The following TPR variants were observed in gnomAD, a reference collection of about 807,000 sequenced individuals.
TPR encodes nucleoprotein TPR.
A neutral mutation model predicts 316.1 loss-of-function variants in TPR; 51 were observed. That is an observed-to-expected ratio of 0.16 (90% CI 0.13 to 0.20). The LOEUF (loss-of-function observed/expected upper bound fraction) is 0.20. Ranked by LOEUF, TPR falls within the 10% of genes least tolerant of loss-of-function variation. The pLI is 1.00. For missense variants in TPR, 2,272 were observed against 2,754.8 expected, an observed-to-expected ratio of 0.82 and a Z score of 3.92; for synonymous variants, 981 against 914.7, an observed-to-expected ratio of 1.07 and a Z score of -1.31.
intron 45 of TPR, among the ~76,000 whole-genome samples, chr1:186,320,861 C>T (rs745652322): frequency 1.6e-4 from 24 of 152,156 alleles, no homozygotes; most frequent in Non-Finnish European, 3.1e-4. Flanking sequence ...TAGCTAGCTC[C>T]CAAGGTTTAG....
chr1:186,370,140 G>A (rs1197596291), intron 3 of TPR, among the ~76,000 whole-genome samples: 1 of 152,032 alleles, frequency 6.6e-6, no homozygotes, highest in East Asian at 1.9e-4. Flanking sequence ...ATGTGGCTAT[G>A]CAAGTACTTA....
At chr1:186,358,679 T>G in intron 12 of TPR, 29 bp from the exon 13 acceptor site, 1 of 1,587,724 alleles carries the variant, frequency 6.3e-7, no homozygotes, top group Non-Finnish European at 8.6e-7. Context: ...AGTGAAAATT[T>G]TGTACTTCCT....
chr1:186,373,622 A>G (rs1487816102), intron 1 of TPR, among the ~76,000 whole-genome samples, 159 bp from the exon 2 acceptor site: 2 of 152,226 alleles, frequency 1.3e-5, no homozygotes, highest in African/African-American at 2.4e-5. Context: ...AAATAGACTG[A>G]GCACTGAAAA....
intron 33 of TPR, 78 bp from the exon 34 acceptor site, chr1:186,335,621 T>C (rs1571612733): frequency 2.6e-6 from 3 of 1,172,252 alleles, no homozygotes; most frequent in South Asian, 1.6e-5. Flanking sequence ...AATTGGCACA[T>C]GGTCACATCA....
intron 35 of TPR, 147 bp downstream of exon 35, chr1:186,334,921 A>G: frequency 1.3e-6 from 1 of 760,902 alleles, no homozygotes; most frequent in Admixed American, 3.1e-5. Flanking sequence ...TGGCAAATAC[A>G]TGATACAGTT....
At chr1:186,354,100 T>C (rs1314137166) in intron 17 of TPR, among the ~76,000 whole-genome samples, 1 of 152,202 alleles carries the variant, frequency 6.6e-6, no homozygotes, top group Non-Finnish European at 1.5e-5. Context: ...AGCATGCTTA[T>C]GTAAAATTAA....
At chr1:186,355,287 T>C in intron 17 of TPR, 123 bp downstream of exon 17, 1 of 1,008,858 alleles carries the variant, frequency 9.9e-7, no homozygotes, top group Non-Finnish European at 1.5e-6. Flanking sequence ...CCAGAGGTTC[T>C]CATTCTGGAA....
At position 186,370,973 on chromosome 1, in the gene TPR, A is replaced by C. The variant is rs774765451; in HGVS notation, c.327T>G (p.Ile109Met). 6.2e-6 allele frequency: 10 copies of C among 1,611,650 alleles called. No homozygotes were observed. The South Asian group carries it at 9.9e-5, about 16-fold the overall frequency. The change falls in exon 3 of 51, where the codon ATT becomes ATG. Residue 109 changes from isoleucine to methionine, a missense_variant. By Grantham distance (10) the Ile-to-Met change is conservative. Transcript: ENST00000367478. Reference sequence around the variant, plus strand: ...TATTCTAAGAAATATCTCTTACCTGAATGGCAATATTGCGATCCTGAGCAA... The same window carrying C: ...TATTCTAAGAAATATCTCTTACCTGCATGGCAATATTGCGATCCTGAGCAA... Reference protein sequence around the residue: ...LEIAQDRNIAIQSQFTRTKEE... With the variant: ...LEIAQDRNIAMQSQFTRTKEE...
intron 25 of TPR, 103 bp from the exon 26 acceptor site, chr1:186,344,193 G>C: frequency 7.0e-7 from 1 of 1,420,598 alleles, no homozygotes; most frequent in Non-Finnish European, 9.4e-7. Context: ...CCGACTACTT[G>C]GGAGGCTGAG....
chr1:186,357,922 T>G (rs1373197260), intron 13 of TPR, among the ~76,000 whole-genome samples: 1 of 152,156 alleles, frequency 6.6e-6, no homozygotes, highest in South Asian at 2.1e-4. Context: ...CCCACAAATA[T>G]CTATTTTTTT....
chr1:186,339,286 C>T (rs1360035891), intron 30 of TPR, among the ~76,000 whole-genome samples: 1 of 150,888 alleles, frequency 6.6e-6, no homozygotes, highest in Non-Finnish European at 1.5e-5. Flanking sequence ...ACACAAAAGC[C>T]AAAGTAATAA....
intron 4 of TPR, among the ~76,000 whole-genome samples, chr1:186,367,057 C>A (rs1919197): frequency 0.57 from 76,586 of 133,534 alleles, 22,096 homozygotes; most frequent in East Asian, 0.64. Flanking sequence ...GAACCCAAAA[C>A]ACCTTTTTTT....
At chr1:186,336,018 A>G (rs1439622758) in intron 33 of TPR, among the ~76,000 whole-genome samples, 1 of 152,164 alleles carries the variant, frequency 6.6e-6, no homozygotes, top group Non-Finnish European at 1.5e-5. Flanking sequence ...CAGCAGACTG[A>G]TAGGCAAGGC....
In TPR at chr1:186,344,065, C is replaced by T. The variant is rs201004855; in HGVS notation, c.3443G>A (p.Arg1148His). The T allele has an allele frequency of 2.6e-3, 4,121 of 1,613,674 alleles. 40 individuals are homozygous for T. Among genetic ancestry groups the T allele is most frequent in the South Asian group, 0.018 (1,609 of 90,968 alleles). ...GTTTTGTTTCTCCAGATCTTCACAGCGACATACACATTTGGAAACTTCATC... is the reference window on the plus strand; with the variant it reads ...GTTTTGTTTCTCCAGATCTTCACAGTGACATACACATTTGGAAACTTCATC... The part of the protein sequence containing the change: ...LKDEVSKCVC[R>H]CEDLEKQNRL... The change falls in exon 26 of 51, where the codon CGC becomes CAC. Residue 1148 changes from arginine (R) to histidine (H), a missense_variant. Arg to His is a conservative substitution (Grantham distance 29). Coordinates refer to ENST00000367478, the MANE Select transcript of TPR (RefSeq NM_003292.3).
rs952518157 is a variant in TPR, at chr1:186,360,646, A to C, written c.1099+119T>G. 2.3e-6 allele frequency: 3 copies of C among 1,317,878 alleles called. No individual in the cohort carries two copies. The African/African-American group carries it at 4.5e-5, about 20-fold the overall frequency. 81.6% of individuals were successfully genotyped at this position (1,317,878 alleles called of 1,614,324 possible). A position where few individuals can be genotyped will look rare whatever the true frequency, so the allele number is the denominator to read the frequency against. ...TTTTAAAACAAATTCTATTAATATA[A>C]CTCGATGGAGTTTCCTACATCACAG... On this transcript the variant is annotated intron_variant, in intron 10 of 50. Coordinates refer to ENST00000367478, the MANE Select transcript of TPR (RefSeq NM_003292.3).
At chr1:186,358,981 T>C (rs1254824806) in intron 12 of TPR, among the ~76,000 whole-genome samples, 1 of 152,062 alleles carries the variant, frequency 6.6e-6, no homozygotes, top group Non-Finnish European at 1.5e-5. Flanking sequence ...AGACTTCACT[T>C]GATGAAGAAG....
intron 47 of TPR, 56 bp downstream of exon 47, chr1:186,318,670 GATACTTC>G: frequency 1.9e-6 from 3 of 1,606,766 alleles, no homozygotes; most frequent in Non-Finnish European, 2.5e-6. Flanking sequence ...TTAGCCAGAA[GATACTTC>G]ATAGGTTTTC....
chr1:186,341,669 T>C (rs1658508362), intron 27 of TPR: 1 of 290,272 alleles, frequency 3.4e-6, no homozygotes, highest in African/African-American at 2.2e-5. Context: ...AATCTCTATT[T>C]ACCTTTCTGT....
In TPR at chr1:186,336,689, T is replaced by G. The variant is rs377747027; in HGVS notation, c.4512A>C (p.Leu1504Phe). The change falls in exon 33 of 51, where the codon TTA becomes TTC. Residue 1504 changes from leucine (L) to phenylalanine (F), a missense_variant. Physicochemically the swap from Leu to Phe is conservative, Grantham distance 22 (BLOSUM62 0). This residue lies in a region of TPR where 101 missense variants were observed against 113.0 expected (regional missense o/e 0.89). Coordinates refer to ENST00000367478, the MANE Select transcript of TPR (RefSeq NM_003292.3). Reference sequence around the variant, plus strand: ...TTCTTGCTTCTGTCTCTTTTTCAGATAATGTCTTTAAAGGAAAACAAAGTA... The same window carrying G: ...TTCTTGCTTCTGTCTCTTTTTCAGAGAATGTCTTTAAAGGAAAACAAAGTA... ...ESQVENLQKT[L>F]SEKETEARNL... is the part of the protein sequence containing the mutation. 1.2e-6 allele frequency: 2 copies of G among 1,612,400 alleles called. No homozygotes were observed. Among genetic ancestry groups the G allele is most frequent in the East Asian group, 4.5e-5 (2 of 44,856 alleles).
Sources: gnomAD v4.1 joint callset for allele counts (sites outside exome capture counted in the v4.1 genomes callset) on GRCh38, gnomAD v4.1.1 for gene constraint, gnomAD v4.1.1 regional missense constraint, MANE v1.5 for transcripts, NCBI Gene and HGNC (gene_info 2026-07-23, HGNC 2026-07-21) for gene names.